RPS5: variants seen among roughly 807,000 people sequenced by gnomAD.
RPS5 encodes the protein ribosomal protein S5, also known as small ribosomal subunit protein uS7.
A neutral mutation model predicts 20.9 loss-of-function variants in RPS5; 2 were observed. The ratio of observed to expected loss-of-function variants is 0.10; its 90% confidence interval spans 0.04 to 0.30. RPS5 has a LOEUF of 0.30. Ranked by LOEUF, RPS5 falls within the 10% of genes least tolerant of loss-of-function variation. The pLI is 1.00. For missense variants in RPS5, 122 were observed against 287.2 expected (o/e 0.42, Z 4.16); for synonymous variants, 112 against 105.8 (o/e 1.06, Z -0.36).
intron 2 of RPS5, among the ~76,000 whole-genome samples, chr19:58,389,730 G>T (rs992441766): frequency 6.6e-6 from 1 of 151,564 alleles, no homozygotes; most frequent in African/African-American, 2.4e-5. Flanking sequence ...TCCGCCTCCC[G>T]GGTTCAAGCA....
At chr19:58,387,614 T>A (rs2052334306) in intron 1 of RPS5, 1 of 154,638 alleles carries the variant, frequency 6.5e-6, no homozygotes, top group Admixed American at 6.4e-5. Flanking sequence ...CGATGCCCTC[T>A]TTTGCTCTGT....
intron 4 of RPS5, chr19:58,393,799 T>C (rs1323951541): frequency 6.1e-6 from 2 of 328,326 alleles, no homozygotes; most frequent in Non-Finnish European, 1.1e-5. Flanking sequence ...GTGTTTTCCC[T>C]GAACACTGCA....
chr19:58,390,093 T>G (rs1294171331), intron 2 of RPS5, among the ~76,000 whole-genome samples: 1 of 151,834 alleles, frequency 6.6e-6, no homozygotes, highest in East Asian at 1.9e-4. Context: ...CAGGGTTTCA[T>G]CATATTGGTC....
intron 2 of RPS5, chr19:58,388,701 G>A (rs2052344079): frequency 3.0e-6 from 1 of 336,630 alleles, no homozygotes; most frequent in Non-Finnish European, 5.2e-6. Context: ...GGAGTGCAGT[G>A]ACGCGATCTG....
chr19:58,394,366 A>G, intron 4 of RPS5, 131 bp from the exon 5 acceptor site: 1 of 700,834 alleles, frequency 1.4e-6, no homozygotes, highest in South Asian at 1.7e-5. Flanking sequence ...CAAATCAGGC[A>G]TGATGCCACC....
At chr19:58,394,176 CCCTGCCAAAGTGTTCCT>C in intron 4 of RPS5, 1 of 307,308 alleles carries the variant, frequency 3.3e-6, no homozygotes, top group Non-Finnish European at 6.3e-6. Context: ...GTCTCAAACT[CCCTGCCAAAGTGTTCCT>C]CCTGCCTCAG....
chr19:58,393,085 C>G lies in RPS5; in HGVS notation c.218C>G (p.Thr73Ser), dbSNP rs1421603831. The change falls in exon 3 of 6, where the codon ACT becomes AGT. Residue 73 changes from threonine to serine, a missense_variant. Physicochemically the swap from Thr to Ser is moderately conservative, Grantham distance 58. Coordinates refer to ENST00000196551, the MANE Select transcript of RPS5 (RefSeq NM_001009.4). ...KAQCPIVERL[T>S]NSMMMHGRNN... ...CAGTGTCCCATTGTGGAGCGCCTCACTAACTCCATGATGATGCACGGCCGC... is the reference window on the plus strand; with the variant it reads ...CAGTGTCCCATTGTGGAGCGCCTCAGTAACTCCATGATGATGCACGGCCGC... The G allele has an allele frequency of 6.2e-7, 1 of 1,614,262 alleles. No homozygotes were observed. Among genetic ancestry groups the G allele is most frequent in the Admixed American group, 1.7e-5 (1 of 60,032 alleles).
chr19:58,387,816 T>G, intron 1 of RPS5: 4 of 319,148 alleles, frequency 1.3e-5, no homozygotes, highest in Admixed American at 4.6e-5. Context: ...AATCGCGAGA[T>G]TGTGGTTTGA....
At chr19:58,393,235 A>G (rs1468995708) in intron 3 of RPS5, 50 bp downstream of exon 3, 1 of 1,612,884 alleles carries the variant, frequency 6.2e-7, no homozygotes, top group Non-Finnish European at 8.5e-7. Context: ...AGTACACCCG[A>G]AAGCCCCACG....
intron 2 of RPS5, among the ~76,000 whole-genome samples, 188 bp from the exon 3 acceptor site, chr19:58,392,788 A>G (rs139977712): frequency 6.6e-6 from 1 of 152,114 alleles, no homozygotes; most frequent in Non-Finnish European, 1.5e-5. Context: ...TGGTAAAGTC[A>G]CCTGTTCAGG....
Position 58,391,100 on chromosome 19 carries a change from G to A in RPS5, c.109-1876G>A, listed in dbSNP as rs778230706. ...TTTTGGCATTTTTCTAGATTTTTGT[G>A]TGGGGATGGCTATGTAAGTATAAGA... is the stretch of plus-strand genomic sequence containing the variant. On this transcript the variant is annotated intron_variant, in intron 2 of 5. Coordinates refer to ENST00000196551, the MANE Select transcript of RPS5 (RefSeq NM_001009.4). Among the ~76,000 whole-genome samples the A allele has an allele frequency of 2.6e-4, 39 of 152,208 alleles. No individual in the cohort carries two copies. In the Middle Eastern group the frequency reaches 0.027, roughly 106 times the overall value.
At chr19:58,393,509 G>A (rs371877122) in intron 4 of RPS5, 22 bp downstream of exon 4, 4 of 1,597,408 alleles carry the variant, frequency 2.5e-6, no homozygotes, top group African/African-American at 1.3e-5. Flanking sequence ...GCTTATGCAC[G>A]TGGCAGGGTG....
At chr19:58,389,751 C>G (rs925241452) in intron 2 of RPS5, among the ~76,000 whole-genome samples, 1 of 151,830 alleles carries the variant, frequency 6.6e-6, no homozygotes, top group Non-Finnish European at 1.5e-5. Context: ...ATGCTCCCGC[C>G]TCAGCCTCCC....
At chr19:58,390,429 T>C (rs1456882406) in intron 2 of RPS5, among the ~76,000 whole-genome samples, 2 of 92,024 alleles carry the variant, frequency 2.2e-5, no homozygotes, top group Admixed American at 9.2e-5. Flanking sequence ...ACTGTTACTT[T>C]TTTTTTTTTT....
intron 3 of RPS5, 27 bp downstream of exon 3, chr19:58,393,212 A>G: frequency 6.2e-7 from 1 of 1,613,862 alleles, no homozygotes. Context: ...TGGTGAGGGC[A>G]GGCTGTGCCC....
At chr19:58,394,226 A>C in intron 4 of RPS5, 1 of 440,096 alleles carries the variant, frequency 2.3e-6, no homozygotes. Context: ...TTACAGGCGC[A>C]AGCCACCGTG....
intron 4 of RPS5, 48 bp downstream of exon 4, chr19:58,393,535 G>A (rs761381205): frequency 1.3e-6 from 2 of 1,581,596 alleles, no homozygotes; most frequent in Non-Finnish European, 1.7e-6. Context: ...AGCCACGGGA[G>A]TGGGTGGGGT....
chr19:58,391,298 G>T (rs1486195058), intron 2 of RPS5, among the ~76,000 whole-genome samples: 3 of 151,896 alleles, frequency 2.0e-5, no homozygotes, highest in Non-Finnish European at 4.4e-5. Flanking sequence ...CTTGCATGGT[G>T]GCGTGCACCT....
At chr19:58,389,119 T>G (rs1345119783) in intron 2 of RPS5, among the ~76,000 whole-genome samples, 4 of 152,188 alleles carry the variant, frequency 2.6e-5, no homozygotes, top group African/African-American at 9.7e-5. Context: ...AAGGCATCAT[T>G]AAGAATTTTG....
Sources: allele counts gnomAD v4.1 joint callset (sites outside exome capture counted in the v4.1 genomes callset), GRCh38; gene constraint gnomAD v4.1.1; transcripts MANE v1.5; gene names NCBI Gene and HGNC (gene_info 2026-07-23, HGNC 2026-07-21).